The following LRP1B variants were observed in gnomAD, a reference collection of about 807,000 sequenced individuals.
LRP1B encodes the protein LDL receptor related protein 1B.
LRP1B carries 217 observed loss-of-function variants against 556.6 expected under a neutral mutation model. The ratio of observed to expected loss-of-function variants is 0.39; its 90% CI spans 0.35 to 0.44. The LOEUF (loss-of-function observed/expected upper bound fraction) is 0.44, where lower values mean the gene tolerates loss of function less well. Among genes scored for constraint, LRP1B ranks in the 20% least tolerant of loss-of-function variants. The pLI, the probability that LRP1B is intolerant of heterozygous loss-of-function variation, is 1.00. For synonymous variants in LRP1B, 2,047 were observed against 1,865.8 expected, an observed-to-expected ratio of 1.10 and a Z score of -2.50; for missense variants, 5,053 against 5,620.8, an observed-to-expected ratio of 0.90 and a Z score of 3.23.
intron 3 of LRP1B, among the ~76,000 whole-genome samples, chr2:141,351,200 TC>T (rs1239508535): frequency 6.6e-6 from 1 of 151,974 alleles, no homozygotes; most frequent in Admixed American, 6.6e-5. Flanking sequence ...GAATCAAGAA[TC>T]AACATTTTTC....
chr2:140,648,128 C>T (rs1377913790), intron 41 of LRP1B, among the ~76,000 whole-genome samples: 5 of 152,140 alleles, frequency 3.3e-5, no homozygotes, highest in African/African-American at 1.2e-4. Flanking sequence ...GATGAGTTCA[C>T]GTCCTTTGTA....
chr2:142,053,696 C>A (rs760925437), intron 1 of LRP1B, among the ~76,000 whole-genome samples: 2 of 152,042 alleles, frequency 1.3e-5, no homozygotes, highest in Admixed American at 1.3e-4. Flanking sequence ...AGTAGTATTT[C>A]TGGAATTGTT....
chr2:142,124,344 A>AT (rs1301811498), intron 1 of LRP1B, among the ~76,000 whole-genome samples: 1 of 151,118 alleles, frequency 6.6e-6, no homozygotes, highest in Non-Finnish European at 1.5e-5. Flanking sequence ...ATGCCATTGC[A>AT]TTTTTAAAAA....
At position 141,414,178 on chromosome 2, in the gene LRP1B, A is replaced by C. The variant is rs184645740; in HGVS notation, c.343+66218T>G. On this transcript the variant is annotated intron_variant, in intron 3 of 90. Transcript: ENST00000389484. ...CGTGAACCCGGGAGGCGGAGCTTGC[A>C]GTGAGCGGAGATAGCGCCACTGCAC... Among the ~76,000 whole-genome samples, 905 of 144,930 alleles carry C rather than the reference A, an allele frequency of 6.2e-3. 6 individuals are homozygous for C. The highest frequency in any genetic ancestry group is 9.7e-3 in the Non-Finnish European group (641 of 65,950).
chr2:141,868,153 G>A (rs1460174045), intron 1 of LRP1B, among the ~76,000 whole-genome samples: 1 of 151,846 alleles, frequency 6.6e-6, no homozygotes, highest in Non-Finnish European at 1.5e-5. Context: ...TGTTCTTTAT[G>A]ACCAGACGCA....
chr2:140,475,392 A>G, intron 59 of LRP1B, 55 bp from the exon 60 acceptor site: 1 of 1,341,712 alleles, frequency 7.5e-7, no homozygotes, highest in East Asian at 2.4e-5. Flanking sequence ...GAGCAAAACA[A>G]CAAACAATAT....
intron 27 of LRP1B, among the ~76,000 whole-genome samples, chr2:140,857,487 C>T (rs1339705108): frequency 2.6e-5 from 4 of 152,146 alleles, no homozygotes; most frequent in African/African-American, 9.7e-5. Flanking sequence ...CAGACATCTT[C>T]AAGTGATAAG....
chr2:141,680,095 G>A (rs1376436885), intron 2 of LRP1B, among the ~76,000 whole-genome samples: 2 of 151,924 alleles, frequency 1.3e-5, no homozygotes, highest in African/African-American at 2.4e-5. Context: ...AACCTGGGGA[G>A]GGTGGGCATA....
chr2:140,738,033 T>G (rs1056893482), intron 35 of LRP1B, among the ~76,000 whole-genome samples: 1 of 152,164 alleles, frequency 6.6e-6, no homozygotes, highest in Admixed American at 6.6e-5. Context: ...AATTTTGTGC[T>G]TCCTTTCACT....
intron 65 of LRP1B, 143 bp from the exon 66 acceptor site, chr2:140,442,766 T>C (rs1241445749): frequency 1.4e-6 from 1 of 734,660 alleles, no homozygotes; most frequent in African/African-American, 1.8e-5. Context: ...GTGAGGAATT[T>C]TAACTTTTAA....
At chr2:142,065,093 A>G (rs896353660) in intron 1 of LRP1B, among the ~76,000 whole-genome samples, 1 of 151,548 alleles carries the variant, frequency 6.6e-6, no homozygotes, top group Non-Finnish European at 1.5e-5. Flanking sequence ...TCTGTGGTAG[A>G]GTTTCATTAC....
At chr2:141,421,545 A>AAT (rs565765206) in intron 3 of LRP1B, among the ~76,000 whole-genome samples, 4 of 146,702 alleles carry the variant, frequency 2.7e-5, no homozygotes, top group Non-Finnish European at 4.6e-5. Context: ...AAAAAAAAAA[A>AAT]TTTACCTCTT....
In LRP1B at chr2:141,116,784, T is replaced by G. The variant is rs530255041; in HGVS notation, c.1014-54511A>C. 1.7e-4 allele frequency among the ~76,000 whole-genome samples: 26 copies of G among 152,228 alleles called. 1 individual carries two copies. The East Asian group carries it at 4.2e-3, about 25-fold the overall frequency. On this transcript the variant is annotated intron_variant, in intron 7 of 90. Coordinates refer to ENST00000389484, the MANE Select transcript of LRP1B (RefSeq NM_018557.3). The stretch of plus-strand genomic sequence containing the variant: ...TAATCTCACCTTGACAAAAACCATT[T>G]TGTCCAACAAAGACTGGAAAGTATA...
Position 140,941,864 on chromosome 2 carries a change from A to G in LRP1B, c.3136+8371T>C, listed in dbSNP as rs558812510. 6.6e-5 allele frequency among the ~76,000 whole-genome samples: 10 copies of G among 152,320 alleles called. No individual in the cohort carries two copies. In the South Asian group the frequency reaches 1.4e-3, roughly 22 times the overall value. Reference sequence around the variant, plus strand: ...TCAGATAATGAGGAATCAGTTCAAGAACTCTAGCAATTCAAAGAGACAGAG... The same window carrying G: ...TCAGATAATGAGGAATCAGTTCAAGGACTCTAGCAATTCAAAGAGACAGAG... On this transcript the variant is annotated intron_variant, in intron 20 of 90. Transcript: ENST00000389484.
intron 1 of LRP1B, among the ~76,000 whole-genome samples, chr2:142,044,498 G>A (rs553438474): frequency 1.3e-4 from 20 of 151,836 alleles, no homozygotes; most frequent in African/African-American, 4.8e-4. Context: ...GTAGGCATCT[G>A]AAAAAGGTCT....
intron 3 of LRP1B, among the ~76,000 whole-genome samples, chr2:141,257,129 C>A (rs944726647): frequency 7.9e-5 from 12 of 151,966 alleles, no homozygotes; most frequent in African/African-American, 2.7e-4. Context: ...TGGATGAAGC[C>A]TGTAAAGTGC....
At chr2:141,790,619 C>T (rs1232857083) in intron 2 of LRP1B, among the ~76,000 whole-genome samples, 2 of 151,872 alleles carry the variant, frequency 1.3e-5, no homozygotes, top group South Asian at 2.1e-4. Context: ...AGTTGAGTCT[C>T]CAGCAGCACC....
chr2:141,966,961 TAAGTC>T (rs1471896636), intron 1 of LRP1B, among the ~76,000 whole-genome samples: 2 of 151,842 alleles, frequency 1.3e-5, no homozygotes, highest in Non-Finnish European at 2.9e-5. Context: ...TCAGTTTCCC[TAAGTC>T]AAGTCTATAA....
intron 31 of LRP1B, among the ~76,000 whole-genome samples, chr2:140,837,794 G>A (rs1166445242): frequency 2.0e-5 from 3 of 150,046 alleles, no homozygotes; most frequent in African/African-American, 7.4e-5. Context: ...GGACTGTTGT[G>A]GGGTGGGGGG....
Sources: allele counts gnomAD v4.1 joint callset (sites outside exome capture counted in the v4.1 genomes callset), GRCh38; gene constraint gnomAD v4.1.1; transcripts MANE v1.5; gene names NCBI Gene and HGNC (gene_info 2026-07-23, HGNC 2026-07-21).